Variants in CLIP3 observed in about 807,000 individuals in gnomAD.
CLIP3 encodes CAP-Gly domain-containing linker protein 3.
CLIP3 carries 15 observed loss-of-function variants against 59.4 expected under a neutral mutation model. That is an observed-to-expected ratio of 0.25 (90% CI 0.17 to 0.39). The LOEUF (loss-of-function observed/expected upper bound fraction) is 0.39, where lower values mean the gene tolerates loss of function less well. Among genes scored for constraint, CLIP3 ranks in the 10% least tolerant of loss-of-function variants. CLIP3 has a pLI of 1.00. For missense variants in CLIP3, 495 were observed against 765.7 expected, an observed-to-expected ratio of 0.65 and a Z score of 4.17; for synonymous variants, 300 against 321.6, an observed-to-expected ratio of 0.93 and a Z score of 0.72.
intron 12 of CLIP3, 99 bp downstream of exon 12, chr19:36,017,287 A>T (rs576060851): frequency 4.2e-6 from 5 of 1,186,668 alleles, no homozygotes; most frequent in African/African-American, 3.0e-5. Context: ...GTCCCCAATT[A>T]AATACCAGAG....
intron 9 of CLIP3, 93 bp from the exon 10 acceptor site, chr19:36,018,084 GTTC>G: frequency 7.0e-7 from 1 of 1,426,160 alleles, no homozygotes; most frequent in Non-Finnish European, 9.6e-7. Context: ...AGAAAACCCT[GTTC>G]TTCGTTTGAA....
rs1969137312 is a variant in CLIP3 at position 36,027,203 on chromosome 19, G to C, written c.235C>G (p.Pro79Ala). 2 of 1,613,954 alleles carry C rather than the reference G, an allele frequency of 1.2e-6. No homozygotes were observed. Among genetic ancestry groups the C allele is most frequent in the Non-Finnish European group, 1.7e-6 (2 of 1,179,918 alleles). ...TGGCGCACAATGGCAAACAGCTCGG[G>C]GATGGTGGTCTGAGGGTCAAACAGG... ...EILFDPQTTIPELFAIVRQWV... is the reference protein window; with the variant it reads ...EILFDPQTTIAELFAIVRQWV... The change falls in exon 3 of 14, where the codon CCC becomes GCC. Residue 79 changes from proline to alanine, a missense_variant. Around this residue, in one of 5 missense-constraint regions of CLIP3, gnomAD observed 90 missense variants for 105.2 expected, o/e 0.86. Coordinates refer to ENST00000360535, the MANE Select transcript of CLIP3 (RefSeq NM_015526.3).
intron 7 of CLIP3, 77 bp from the exon 8 acceptor site, chr19:36,019,383 A>T: frequency 6.5e-7 from 1 of 1,540,942 alleles, no homozygotes; most frequent in Non-Finnish European, 8.7e-7. Context: ...ACGGGCAGCA[A>T]GGTGGGTTGC....
chr19:36,020,033 C>A (rs1188800275), intron 7 of CLIP3, among the ~76,000 whole-genome samples: 1 of 151,646 alleles, frequency 6.6e-6, no homozygotes, highest in Non-Finnish European at 1.5e-5. Flanking sequence ...ATGGCGAGAC[C>A]CTCTAATCTT....
intron 2 of CLIP3, among the ~76,000 whole-genome samples, chr19:36,031,266 C>T (rs535253700): frequency 6.6e-6 from 1 of 152,202 alleles, no homozygotes; most frequent in East Asian, 1.9e-4. Flanking sequence ...ATCCGCTGGC[C>T]TCAGCCTCCC....
chr19:36,019,672 G>T (rs148716524), intron 7 of CLIP3, among the ~76,000 whole-genome samples: 1 of 149,664 alleles, frequency 6.7e-6, no homozygotes, highest in Non-Finnish European at 1.5e-5. Context: ...GCACGATCTC[G>T]GCTCACTGCA....
Position 36,027,063 on chromosome 19 carries a change from G to A in CLIP3, c.307-18C>T. On this transcript the variant is annotated intron_variant, in intron 3 of 13. Coordinates refer to ENST00000360535, the MANE Select transcript of CLIP3 (RefSeq NM_015526.3). Reference sequence around the variant, plus strand: ...CGCAGAATCTGTGAGTACCAGGGGAGCAGGGAGGGTCACCCACACATGTGG... The same window carrying A: ...CGCAGAATCTGTGAGTACCAGGGGAACAGGGAGGGTCACCCACACATGTGG... The A allele has an allele frequency of 6.2e-7, 1 of 1,601,048 alleles. No individual in the cohort carries two copies. The highest frequency in any genetic ancestry group is 2.2e-5 in the East Asian group (1 of 44,778).
intron 11 of CLIP3, 48 bp downstream of exon 11, chr19:36,017,607 C>T (rs368342479): frequency 6.2e-7 from 1 of 1,611,358 alleles, no homozygotes; most frequent in Non-Finnish European, 8.5e-7. Flanking sequence ...GAGGGGGGAT[C>T]AGGGCTCCAG....
At chr19:36,023,342 G>T (rs554121332) in intron 7 of CLIP3, among the ~76,000 whole-genome samples, 3 of 151,920 alleles carry the variant, frequency 2.0e-5, no homozygotes, top group Non-Finnish European at 4.4e-5. Context: ...AACTCCCCTC[G>T]TCAACACTGC....
intron 2 of CLIP3, among the ~76,000 whole-genome samples, chr19:36,029,615 T>C (rs1568544927): frequency 6.6e-6 from 1 of 152,000 alleles, no homozygotes; most frequent in Non-Finnish European, 1.5e-5. Flanking sequence ...TTATCATAGC[T>C]CATATCACTA....
In CLIP3 at chr19:36,015,383, G is replaced by A. The variant is rs2145382548; in HGVS notation, c.*775C>T. The A allele has an allele frequency of 6.5e-6, 1 of 152,752 alleles. No individual in the cohort carries two copies. Among genetic ancestry groups the A allele is most frequent in the Non-Finnish European group, 1.5e-5 (1 of 68,050 alleles). 9.5% of individuals were successfully genotyped at this position (152,752 alleles called of 1,614,324 possible). On this transcript the variant is annotated 3_prime_UTR_variant, in exon 14 of 14. Coordinates refer to ENST00000360535, the MANE Select transcript of CLIP3 (RefSeq NM_015526.3). ...GGGGGAAGTCGTTACTTAAAAAATAGAGAATTTTCTGGGAGTCTGGCCAGC... is the reference window on the plus strand; with the variant it reads ...GGGGGAAGTCGTTACTTAAAAAATAAAGAATTTTCTGGGAGTCTGGCCAGC...
chr19:36,032,292 CTCCTCCTCTTCT>C lies in CLIP3; in HGVS notation c.54_65del (p.Glu20_Glu23del). 7.7e-7 allele frequency: 1 copy of C among 1,294,132 alleles called. No individual in the cohort carries two copies. The highest frequency in any genetic ancestry group is 9.9e-7 in the Non-Finnish European group (1 of 1,012,912). The allele number at this position is 1,294,132 out of a possible 1,614,324, so 80.2% of individuals were successfully genotyped here. On this transcript the variant is annotated inframe_deletion, in exon 2 of 14. Coordinates refer to ENST00000360535, the MANE Select transcript of CLIP3 (RefSeq NM_015526.3). This position sits in a 1 kb window ranked among gnomAD's most constrained non-coding sequence, Gnocchi z 4.3. ...GGGCCTCGGGGACGGGTTCATCCTC[CTCCTCCTCTTCT>C]TCCTCCTCTCCTCGGGGTGGCGGGG...
At chr19:36,025,795 G>A (rs190050208) in intron 6 of CLIP3, among the ~76,000 whole-genome samples, 24 of 152,298 alleles carry the variant, frequency 1.6e-4, no homozygotes, top group African/African-American at 5.1e-4. Context: ...AGAGGTCAAA[G>A]ATCATATTGA....
rs766335037 is a variant in CLIP3, at chr19:36,016,903, A to G, written c.1589+4T>C. 1.9e-6 allele frequency: 3 copies of G among 1,613,680 alleles called. No individual in the cohort carries two copies. Among genetic ancestry groups the G allele is most frequent in the Admixed American group, 3.3e-5 (2 of 59,960 alleles). On this transcript the variant is annotated splice_donor_region_variant and intron_variant, in intron 13 of 13. Transcript: ENST00000360535. This position sits in a 1 kb window ranked among gnomAD's most constrained non-coding sequence, Gnocchi z 4.1. Reference sequence around the variant, plus strand: ...AGGAGAGGGGACAGGGGTTGGCCACACACCTGGAAATGGAGTTCTCTGATG... The same window carrying G: ...AGGAGAGGGGACAGGGGTTGGCCACGCACCTGGAAATGGAGTTCTCTGATG...
Position 36,026,293 on chromosome 19 carries a change from G to C in CLIP3, c.563-28C>G. The C allele has an allele frequency of 6.3e-7, 1 of 1,574,942 alleles. No individual in the cohort carries two copies. On this transcript the variant is annotated intron_variant, in intron 5 of 13. Coordinates refer to ENST00000360535, the MANE Select transcript of CLIP3 (RefSeq NM_015526.3). The surrounding 1 kb of genome is among the most constrained non-coding windows in gnomAD (Gnocchi z 6.3). ...GGAAGTGGGCAAGAGGAGGGGTTCC[G>C]GGTGAGCGCCTGTGGGACCCCAGCC...
Position 36,018,083 on chromosome 19 carries a change from T to C in CLIP3, c.1184-92A>G. 5 of 1,428,114 alleles carry C rather than the reference T, an allele frequency of 3.5e-6. No individual in the cohort carries two copies. In the South Asian group the frequency reaches 3.8e-5, roughly 11 times the overall value. 88.5% of individuals were successfully genotyped at this position (1,428,114 alleles called of 1,614,324 possible). A position where few individuals can be genotyped will look rare whatever the true frequency, so the allele number is the denominator to read the frequency against. ...TGGAAAACCCCAAGGTAGAAAACCCTGTTCTTCGTTTGAAGTGAAACTGAA... is the reference window on the plus strand; with the variant it reads ...TGGAAAACCCCAAGGTAGAAAACCCCGTTCTTCGTTTGAAGTGAAACTGAA... On this transcript the variant is annotated intron_variant, in intron 9 of 13. Coordinates refer to ENST00000360535, the MANE Select transcript of CLIP3 (RefSeq NM_015526.3).
chr19:36,026,210 A>C lies in CLIP3; in HGVS notation c.618T>G (p.Ala206=). ...FNHGSALHIA[A]SSLCLGAAKC... is the part of the protein sequence containing the mutation. ...TGGCGGCGCCCAGGCACAGGCTGGA[A>C]GCAGCGATGTGCAGGGCTGAGCCGT... Residue 206 remains alanine, a synonymous_variant, in exon 6 of 14, where the codon GCT becomes GCG. Coordinates refer to ENST00000360535, the MANE Select transcript of CLIP3 (RefSeq NM_015526.3). The surrounding 1 kb of genome is among the most constrained non-coding windows in gnomAD (Gnocchi z 6.3). The C allele has an allele frequency of 6.2e-7, 1 of 1,613,822 alleles. No individual in the cohort carries two copies. The highest frequency in any genetic ancestry group is 8.5e-7 in the Non-Finnish European group (1 of 1,179,990).
At position 36,015,319 on chromosome 19, in the gene CLIP3, G is replaced by C. The variant is rs116855205; in HGVS notation, c.*839C>G. 1 of 152,706 alleles carries C rather than the reference G, an allele frequency of 6.5e-6. No individual in the cohort carries two copies. The highest frequency in any genetic ancestry group is 1.5e-5 in the Non-Finnish European group (1 of 68,032). The allele number at this position is 152,706 out of a possible 1,614,324, so 9.5% of individuals were successfully genotyped here. ...TACTCTAGGGTTTGGGATCCCCAGA[G>C]TCCTAGAATGGGGCCTCCAAATTTT... is the stretch of plus-strand genomic sequence containing the variant. On this transcript the variant is annotated 3_prime_UTR_variant, in exon 14 of 14. Coordinates refer to ENST00000360535, the MANE Select transcript of CLIP3 (RefSeq NM_015526.3).
chr19:36,024,554 C>A lies in CLIP3; in HGVS notation c.760G>T (p.Val254Leu). The change falls in exon 7 of 14, where the codon GTG becomes TTG. Residue 254 changes from valine to leucine, a missense_variant. By Grantham distance (32) the Val-to-Leu change is conservative. Coordinates refer to ENST00000360535, the MANE Select transcript of CLIP3 (RefSeq NM_015526.3). ...AGAAGCGTCCGCAGCTCCTTGGCCA[C>A]CAGTGCCGCCTCTGCCTTGTCCAGG... Reference protein sequence around the residue: ...MSLDKAEAALVAKELRTLLEE... With the variant: ...MSLDKAEAALLAKELRTLLEE... The A allele has an allele frequency of 1.2e-6, 2 of 1,614,252 alleles. No individual in the cohort carries two copies. Among genetic ancestry groups the A allele is most frequent in the Non-Finnish European group, 1.7e-6 (2 of 1,180,044 alleles).
Sources: gnomAD v4.1 joint callset for allele counts (sites outside exome capture counted in the v4.1 genomes callset) on GRCh38, gnomAD v4.1.1 for gene constraint, gnomAD v4.1.1 regional missense constraint, Gnocchi (gnomAD v3.1) non-coding constraint, MANE v1.5 for transcripts, NCBI Gene and HGNC (gene_info 2026-07-23, HGNC 2026-07-21) for gene names.